NCOR2: variants seen among roughly 807,000 people sequenced by gnomAD.
NCOR2 encodes nuclear receptor corepressor 2.
A neutral mutation model predicts 262.9 loss-of-function variants in NCOR2; 81 were observed. The ratio of observed to expected loss-of-function variants is 0.31; its 90% CI spans 0.26 to 0.37. The LOEUF (loss-of-function observed/expected upper bound fraction) is 0.37. Among genes scored for constraint, NCOR2 ranks in the 10% least tolerant of loss-of-function variants. The pLI, the probability that NCOR2 is intolerant of heterozygous loss-of-function variation, is 1.00. For missense variants in NCOR2, 3,385 were observed against 3,621.4 expected, an observed-to-expected ratio of 0.93 and a Z score of 1.68; for synonymous variants, 1,659 against 1,559.3, an observed-to-expected ratio of 1.06 and a Z score of -1.51.
chr12:124,371,897 C>A (rs912554363), intron 20 of NCOR2, 125 bp downstream of exon 22: 1 of 1,005,368 alleles, frequency 9.9e-7, no homozygotes. Context: ...GTCTGCCTCC[C>A]TAACCACACC....
chr12:124,488,117 T>C (rs1460698282), intron 1 of NCOR2, among the ~76,000 whole-genome samples: 1 of 152,160 alleles, frequency 6.6e-6, no homozygotes, highest in Non-Finnish European at 1.5e-5. Flanking sequence ...TAGTCACTCT[T>C]TTGTTGTCTG....
intron 7 of NCOR2, among the ~76,000 whole-genome samples, chr12:124,441,334 TGTGA>T (rs1176282043): frequency 6.6e-6 from 1 of 152,138 alleles, no homozygotes; most frequent in Non-Finnish European, 1.5e-5. Flanking sequence ...GCTGGAACAA[TGTGA>T]GTGACAACAG....
At chr12:124,499,634 C>T (rs943404838), upstream of NCOR2, among the ~76,000 whole-genome samples, 10 of 152,140 alleles carry the variant, frequency 6.6e-5, no homozygotes, top group African/African-American at 1.7e-4. Flanking sequence ...CAGGGGTGAG[C>T]GAGGGCCTGG....
Position 124,389,119 on chromosome 12 carries a change from G to A in NCOR2, c.1877-3232C>T, listed in dbSNP as rs1391326882. On this transcript the variant is annotated intron_variant, in intron 16 of 46. Transcript: ENST00000405201. This position sits in a 1 kb window ranked among gnomAD's most constrained non-coding sequence, Gnocchi z 4.4. ...GTGCGTGTGGGATGCCCCTGGGCCA[G>A]GTATCACCGGGGCGCAGCGTGCCGA... is the stretch of plus-strand genomic sequence containing the variant. 1.3e-5 allele frequency among the ~76,000 whole-genome samples: 2 copies of A among 152,244 alleles called. No individual in the cohort carries two copies. Among genetic ancestry groups the A allele is most frequent in the African/African-American group, 2.4e-5 (1 of 41,464 alleles).
rs2043850288 is a variant in NCOR2, at chr12:124,430,481, G to C, written c.1055+134C>G. 21 of 1,060,850 alleles carry C rather than the reference G, an allele frequency of 2.0e-5. No individual in the cohort carries two copies. In the Middle Eastern group the frequency reaches 9.5e-4, roughly 48 times the overall value. The allele number at this position is 1,060,850 out of a possible 1,614,324, so 65.7% of individuals were successfully genotyped here. Reference sequence around the variant, plus strand: ...CTCCACGTGACACAGGCCAGGGTCTGGTAGGGCCCTGGCCACTGGCCTGAG... The same window carrying C: ...CTCCACGTGACACAGGCCAGGGTCTCGTAGGGCCCTGGCCACTGGCCTGAG... On this transcript the variant is annotated intron_variant, in intron 9 of 46. Coordinates refer to ENST00000405201, the Ensembl canonical transcript of NCOR2.
rs201939736 is a variant in NCOR2, at chr12:124,343,262, G to C, written c.4715-36C>G. 8 of 1,580,104 alleles carry C rather than the reference G, an allele frequency of 5.1e-6. No homozygotes were observed. The East Asian group carries it at 9.1e-5, about 18-fold the overall frequency. On this transcript the variant is annotated intron_variant, in intron 32 of 46. Coordinates refer to ENST00000405201, the Ensembl canonical transcript of NCOR2. ...GCAAGGTGGATGCATCGGGCCTCTG[G>C]GGCTGGCATTTACGGGGAGTTGTTT...
intron 4 of NCOR2, 79 bp downstream of exon 6, chr12:124,472,873 C>A: frequency 6.3e-7 from 1 of 1,583,376 alleles, no homozygotes; most frequent in Non-Finnish European, 8.6e-7. Flanking sequence ...GGGCTTGGCA[C>A]ATGTCTGTGA....
At chr12:124,327,049 G>A (rs576856315) in intron 45 of NCOR2, among the ~76,000 whole-genome samples, 1 of 152,288 alleles carries the variant, frequency 6.6e-6, no homozygotes, top group South Asian at 2.1e-4. Flanking sequence ...AGTGTGGGTG[G>A]GGCTTCACTC....
chr12:124,543,771 C>T (rs545747355), intron 1 of NCOR2, among the ~76,000 whole-genome samples: 15 of 152,266 alleles, frequency 9.9e-5, no homozygotes, highest in African/African-American at 2.9e-4. Context: ...GGGCAGGGAG[C>T]GCAGCCCAGG....
At chr12:124,456,014 G>T (rs2045830218) in intron 6 of NCOR2, among the ~76,000 whole-genome samples, 1 of 152,148 alleles carries the variant, frequency 6.6e-6, no homozygotes, top group African/African-American at 2.4e-5. Context: ...TAGCTGGGAC[G>T]AAAGGCGTGC....
At chr12:124,397,296 G>C (rs925320843) in intron 16 of NCOR2, among the ~76,000 whole-genome samples, 1 of 152,358 alleles carries the variant, frequency 6.6e-6, no homozygotes, top group East Asian at 1.9e-4. Flanking sequence ...CCCTCACACA[G>C]GGTTATCTGA....
At chr12:124,392,076 G>T (rs1370106835) in intron 16 of NCOR2, among the ~76,000 whole-genome samples, 1 of 152,208 alleles carries the variant, frequency 6.6e-6, no homozygotes, top group Admixed American at 6.5e-5. Flanking sequence ...GGCCTGCCTT[G>T]TTCGTGAGCA....
intron 13 of NCOR2, among the ~76,000 whole-genome samples, chr12:124,413,471 G>A (rs1187805955): frequency 6.6e-6 from 1 of 152,180 alleles, no homozygotes; most frequent in African/African-American, 2.4e-5. Flanking sequence ...GGCACCTCCT[G>A]GGGGGTCTGT....
chr12:124,563,227 G>A (rs887719201), intron 1 of NCOR2, among the ~76,000 whole-genome samples: 9 of 152,176 alleles, frequency 5.9e-5, no homozygotes, highest in African/African-American at 1.7e-4. Flanking sequence ...CTCTCTTGGG[G>A]ATGGCAGATG....
At chr12:124,327,714 GGA>G (rs981175879) in intron 44 of NCOR2, 81 bp from the exon 47 acceptor site, 29 of 996,252 alleles carry the variant, frequency 2.9e-5, no homozygotes, top group Admixed American at 4.4e-5. Context: ...GAGAGAGAAG[GGA>G]GAGAGAGAGG....
chr12:124,550,104 G>C (rs1467197292), intron 1 of NCOR2, among the ~76,000 whole-genome samples: 1 of 151,924 alleles, frequency 6.6e-6, no homozygotes, highest in Non-Finnish European at 1.5e-5. Context: ...GTGCTACTGG[G>C]GTCTGGTGGA....
chr12:124,346,441 G>A, intron 31 of NCOR2, 123 bp downstream of exon 33: 2 of 1,073,752 alleles, frequency 1.9e-6, no homozygotes, highest in East Asian at 6.1e-5. Flanking sequence ...GCAGCTGGGT[G>A]ACTGTAAGGT....
At chr12:124,339,389 T>C (rs2036213610) in intron 37 of NCOR2, among the ~76,000 whole-genome samples, 2 of 141,374 alleles carry the variant, frequency 1.4e-5, no homozygotes. Flanking sequence ...CCTACCTACC[T>C]ACCTACCTAC....
chr12:124,354,900 C>T (rs762017338), exon 25 of NCOR2: 1 of 1,612,202 alleles, frequency 6.2e-7, no homozygotes, highest in Non-Finnish European at 8.5e-7. Flanking sequence ...GGGGCCTTGG[C>T]ATGCTCTGAG....
Sources: gnomAD v4.1 joint callset for allele counts (sites outside exome capture counted in the v4.1 genomes callset) on GRCh38, gnomAD v4.1.1 for gene constraint, Gnocchi (gnomAD v3.1) non-coding constraint, MANE v1.5 for transcripts, NCBI Gene and HGNC (gene_info 2026-07-23, HGNC 2026-07-21) for gene names.